The following GTF2IRD2B variants were observed in gnomAD, a reference collection of about 807,000 sequenced individuals.
GTF2IRD2B encodes general transcription factor II-I repeat domain-containing protein 2B.
In GTF2IRD2B, 10 loss-of-function variants were observed where a neutral mutation model predicts 55.6. The ratio of observed to expected loss-of-function variants is 0.18; its 90% CI spans 0.11 to 0.31. The LOEUF (loss-of-function observed/expected upper bound fraction) is 0.31, where lower values mean the gene tolerates loss of function less well. GTF2IRD2B is among the 10% of genes least tolerant of loss of function. The pLI, the probability that GTF2IRD2B is intolerant of heterozygous loss-of-function variation, is 1.00. For synonymous variants in GTF2IRD2B, 107 were observed against 320.5 expected (o/e 0.33, Z 7.12); for missense variants, 206 against 802.7 (o/e 0.26, Z 8.98).
At chr7:75,121,385 C>CA (rs1359307587) in intron 4 of GTF2IRD2B, among the ~76,000 whole-genome samples, 1 of 150,418 alleles carries the variant, frequency 6.6e-6, no homozygotes, top group Non-Finnish European at 1.5e-5. Context: ...GTGTCACAGA[C>CA]AGTCTTATTG....
At chr7:75,116,679 G>T in intron 3 of GTF2IRD2B, among the ~76,000 whole-genome samples, 4 of 124,146 alleles carry the variant, frequency 3.2e-5, no homozygotes, top group African/African-American at 6.0e-5. Context: ...GTCTTGCTCT[G>T]TTGCCCAGGC....
At chr7:75,130,183 C>CTCCT (rs1222462054) in intron 8 of GTF2IRD2B, among the ~76,000 whole-genome samples, 12 of 65,020 alleles carry the variant, frequency 1.8e-4, no homozygotes, top group East Asian at 4.5e-4. Context: ...CTTTCTTTCT[C>CTCCT]TCCTTCCTTC....
intron 2 of GTF2IRD2B, among the ~76,000 whole-genome samples, chr7:75,110,613 T>C (rs1228716153): frequency 2.0e-5 from 1 of 49,350 alleles, no homozygotes; most frequent in African/African-American, 3.7e-5. Context: ...CACAAGACCC[T>C]GACTCTTAAA....
At chr7:75,113,650 C>CA (rs1456172066) in intron 3 of GTF2IRD2B, among the ~76,000 whole-genome samples, 1 of 150,408 alleles carries the variant, frequency 6.6e-6, no homozygotes, top group Non-Finnish European at 1.5e-5. Flanking sequence ...CAAAACTAGA[C>CA]AAAAAACTAC....
intron 8 of GTF2IRD2B, among the ~76,000 whole-genome samples, chr7:75,127,018 CA>C (rs1159282499): frequency 1.3e-5 from 1 of 75,008 alleles, no homozygotes; most frequent in Non-Finnish European, 3.1e-5. Flanking sequence ...AAAACAAAAA[CA>C]AAAACAAAAA....
chr7:75,139,777 C>T (rs1554534098), intron 12 of GTF2IRD2B, among the ~76,000 whole-genome samples: 3 of 91,314 alleles, frequency 3.3e-5, no homozygotes, highest in African/African-American at 5.8e-5. Context: ...AGGAGAGAGA[C>T]GTTTGAGATG....
chr7:75,104,246 C>T lies in GTF2IRD2B; in HGVS notation c.-5-4714C>T, dbSNP rs587613468. On this transcript the variant is annotated intron_variant, in intron 1 of 15. Transcript: ENST00000472837. ...CAAGCAATTCTCCTGCCTCAGCCTC[C>T]GGAGTAGCTGGGATTACAGGTGTCT... Among the ~76,000 whole-genome samples the T allele has an allele frequency of 6.9e-4, 103 of 149,944 alleles. No homozygotes were observed. The South Asian group carries it at 7.4e-3, about 11-fold the overall frequency.
At chr7:75,135,531 C>CT in intron 10 of GTF2IRD2B, among the ~76,000 whole-genome samples, 1 of 117,280 alleles carries the variant, frequency 8.5e-6, no homozygotes, top group Non-Finnish European at 1.7e-5. Flanking sequence ...TCTCAGAAAA[C>CT]TATGAATAGT....
At chr7:75,129,884 C>T (rs1367852100) in intron 8 of GTF2IRD2B, among the ~76,000 whole-genome samples, 1 of 152,234 alleles carries the variant, frequency 6.6e-6, no homozygotes, top group South Asian at 2.1e-4. Context: ...TTCTCACGTG[C>T]CTTTGTTGGA....
chr7:75,138,430 G>A (rs1275726630), intron 11 of GTF2IRD2B, among the ~76,000 whole-genome samples: 2 of 148,864 alleles, frequency 1.3e-5, no homozygotes, highest in African/African-American at 5.0e-5. Context: ...GGGAGGCCCA[G>A]GTAGGTGAAT....
Position 75,149,428 on chromosome 7 carries a change from T to A in GTF2IRD2B, c.*131T>A, listed in dbSNP as rs1490778683. 65 of 674,908 alleles carry A rather than the reference T, an allele frequency of 9.6e-5. No individual in the cohort carries two copies. Among genetic ancestry groups the A allele is most frequent in the Middle Eastern group, 4.0e-4 (1 of 2,516 alleles). The allele number at this position is 674,908 out of a possible 1,614,324, so 41.8% of individuals were successfully genotyped here. ...TGGAGTCTTGCTCTGTCGCCCAGGT[T>A]GGAGTGCAGTGGCGTGATCTCGGCT... is the stretch of plus-strand genomic sequence containing the variant. On this transcript the variant is annotated 3_prime_UTR_variant, in exon 16 of 16. Coordinates refer to ENST00000472837, the MANE Select transcript of GTF2IRD2B (RefSeq NM_001003795.3).
Position 75,149,772 on chromosome 7 carries a change from A to G in GTF2IRD2B, c.*475A>G, listed in dbSNP as rs1554454790. On this transcript the variant is annotated 3_prime_UTR_variant, in exon 16 of 16. Transcript: ENST00000472837. Reference sequence around the variant, plus strand: ...GCAGTATCATACTTGTTTATATTACATTGTATGCCTCACTATTCATTAAAA... The same window carrying G: ...GCAGTATCATACTTGTTTATATTACGTTGTATGCCTCACTATTCATTAAAA... The G allele has an allele frequency of 6.3e-6, 1 of 159,124 alleles. No individual in the cohort carries two copies. The highest frequency in any genetic ancestry group is 2.6e-5 in the African/African-American group (1 of 38,324). 9.9% of individuals were successfully genotyped at this position (159,124 alleles called of 1,614,324 possible). A position where few individuals can be genotyped will look rare whatever the true frequency, so the allele number is the denominator to read the frequency against.
At chr7:75,136,110 C>T (rs1808826503) in intron 10 of GTF2IRD2B, among the ~76,000 whole-genome samples, 1 of 109,698 alleles carries the variant, frequency 9.1e-6, no homozygotes, top group Non-Finnish European at 1.8e-5. Flanking sequence ...CATTCCACTC[C>T]AGCCTGGGTG....
chr7:75,119,181 AAG>A (rs1388818973), intron 3 of GTF2IRD2B, among the ~76,000 whole-genome samples: 1 of 114,292 alleles, frequency 8.7e-6, no homozygotes, highest in Non-Finnish European at 1.8e-5. Context: ...GCGACAGAGT[AAG>A]ACTCTCTCAA....
chr7:75,145,416 AG>A (rs1584552273), intron 15 of GTF2IRD2B, among the ~76,000 whole-genome samples: 1 of 128,080 alleles, frequency 7.8e-6, no homozygotes, highest in East Asian at 2.3e-4. Flanking sequence ...ATGAGTCACC[AG>A]GGAACCTCCT....
intron 15 of GTF2IRD2B, among the ~76,000 whole-genome samples, chr7:75,146,015 T>TG (rs1809137302): frequency 1.2e-5 from 1 of 86,292 alleles, no homozygotes; most frequent in Non-Finnish European, 2.2e-5. Context: ...CATGCCCAGA[T>TG]AATTTTTTTT....
intron 3 of GTF2IRD2B, among the ~76,000 whole-genome samples, chr7:75,118,098 A>AG (rs1173719140): frequency 6.6e-6 from 1 of 151,636 alleles, no homozygotes; most frequent in Non-Finnish European, 1.5e-5. Context: ...AAAAAGGGAA[A>AG]GGAAAAAGGA....
intron 15 of GTF2IRD2B, among the ~76,000 whole-genome samples, chr7:75,145,588 C>T (rs1293960633): frequency 8.7e-4 from 124 of 141,736 alleles, no homozygotes; most frequent in East Asian, 6.8e-3. Flanking sequence ...CAAAAATTAG[C>T]CGGGCATGGT....
At chr7:75,104,839 G>A (rs1807722030) in intron 1 of GTF2IRD2B, among the ~76,000 whole-genome samples, 1 of 152,292 alleles carries the variant, frequency 6.6e-6, no homozygotes, top group African/African-American at 2.4e-5. Flanking sequence ...AAAAAGCGGA[G>A]AGGCAATTGA....
Sources: gnomAD v4.1 joint callset for allele counts (sites outside exome capture counted in the v4.1 genomes callset) on GRCh38, gnomAD v4.1.1 for gene constraint, MANE v1.5 for transcripts, NCBI Gene and HGNC (gene_info 2026-07-23, HGNC 2026-07-21) for gene names.